The following GRM5 variants were observed in gnomAD, a reference collection of about 807,000 sequenced individuals.
GRM5 encodes the protein glutamate metabotropic receptor 5.
GRM5 carries 19 observed loss-of-function variants against 83.1 expected under a neutral mutation model. That is an observed-to-expected ratio of 0.23 (90% confidence interval 0.16 to 0.34). The LOEUF (loss-of-function observed/expected upper bound fraction) is 0.34. GRM5 is among the 10% of genes least tolerant of loss of function. The pLI is 1.00. For missense variants in GRM5, 1,160 were observed against 1,588.3 expected, an observed-to-expected ratio of 0.73 and a Z score of 4.58; for synonymous variants, 675 against 633.6, an observed-to-expected ratio of 1.07 and a Z score of -0.98.
chr11:88,875,351 G>A (rs1194807463), intron 2 of GRM5, among the ~76,000 whole-genome samples: 2 of 152,048 alleles, frequency 1.3e-5, no homozygotes, highest in East Asian at 1.9e-4. Flanking sequence ...CCATAAGATT[G>A]TATAAATTCA....
At chr11:88,910,847 T>C (rs896150197) in intron 2 of GRM5, among the ~76,000 whole-genome samples, 3 of 626 alleles carry the variant, frequency 4.8e-3, no homozygotes, top group Non-Finnish European at 0.023. Flanking sequence ...TAGAACGTAT[T>C]TTTTTTTTGT....
chr11:88,902,189 T>G (rs1945324538), intron 2 of GRM5, among the ~76,000 whole-genome samples: 1 of 151,992 alleles, frequency 6.6e-6, no homozygotes, highest in African/African-American at 2.4e-5. Context: ...TTTAATGAGT[T>G]TATCTTTTGA....
At chr11:88,679,904 C>T (rs1940433786) in intron 3 of GRM5, among the ~76,000 whole-genome samples, 1 of 148,688 alleles carries the variant, frequency 6.7e-6, no homozygotes, top group South Asian at 2.2e-4. Context: ...TCACCTTCCT[C>T]ATTCTTCATC....
At position 88,632,170 on chromosome 11, in the gene GRM5, C is replaced by A. The variant is rs144548641; in HGVS notation, c.1147+20998G>T. ...CTCCCCATTCCCATCCCCAGGCAACCACTGATTTGCTTTCTGTCACTCTAG... is the reference window on the plus strand; with the variant it reads ...CTCCCCATTCCCATCCCCAGGCAACAACTGATTTGCTTTCTGTCACTCTAG... On this transcript the variant is annotated intron_variant, in intron 4 of 9. Coordinates refer to ENST00000305447, the MANE Select transcript of GRM5 (RefSeq NM_001143831.3). Among the ~76,000 whole-genome samples the A allele has an allele frequency of 9.9e-5, 15 of 152,032 alleles. No individual in the cohort carries two copies. In the East Asian group the frequency reaches 2.5e-3, roughly 25 times the overall value.
chr11:88,929,020 T>G (rs1248264574), intron 2 of GRM5, among the ~76,000 whole-genome samples: 1 of 151,920 alleles, frequency 6.6e-6, no homozygotes, highest in Non-Finnish European at 1.5e-5. Context: ...GTTGATAACA[T>G]TGCTCTTTCT....
At chr11:88,991,114 C>T (rs1591027243) in intron 2 of GRM5, among the ~76,000 whole-genome samples, 1 of 152,088 alleles carries the variant, frequency 6.6e-6, no homozygotes, top group East Asian at 1.9e-4. Flanking sequence ...CTAGACAACC[C>T]CATTGTCTCA....
chr11:88,584,060 C>G (rs2135197832), intron 7 of GRM5, among the ~76,000 whole-genome samples: 1 of 152,022 alleles, frequency 6.6e-6, no homozygotes, highest in South Asian at 2.1e-4. Context: ...AAAATCTTAT[C>G]TTTTAGTGTT....
intron 3 of GRM5, among the ~76,000 whole-genome samples, chr11:88,748,318 G>A (rs10765738): frequency 0.06 from 9,138 of 152,152 alleles, 458 homozygotes; most frequent in Admixed American, 0.16. Flanking sequence ...ACCTAGGAAG[G>A]GAGCTTAATC....
intron 3 of GRM5, among the ~76,000 whole-genome samples, chr11:88,762,560 G>A (rs1243772351): frequency 6.6e-6 from 1 of 151,834 alleles, no homozygotes; most frequent in Non-Finnish European, 1.5e-5. Flanking sequence ...TAGAAAAGGG[G>A]AAACTTATAC....
intron 7 of GRM5, among the ~76,000 whole-genome samples, chr11:88,581,674 C>G (rs1248603809): frequency 6.6e-6 from 1 of 151,780 alleles, no homozygotes; most frequent in Non-Finnish European, 1.5e-5. Context: ...CCTGGGAATT[C>G]TATTGTTAAA....
intron 3 of GRM5, among the ~76,000 whole-genome samples, chr11:88,666,929 G>A (rs1194043874): frequency 3.9e-5 from 6 of 152,114 alleles, no homozygotes; most frequent in Non-Finnish European, 8.8e-5. Context: ...AGAATGAAAT[G>A]ATTGAAAACC....
intron 2 of GRM5, among the ~76,000 whole-genome samples, chr11:89,027,388 C>T (rs1941151887): frequency 6.6e-6 from 1 of 152,162 alleles, no homozygotes; most frequent in African/African-American, 2.4e-5. Context: ...GCCACTGCAC[C>T]TGGCCGGCAT....
At chr11:88,728,528 G>A (rs775019252) in intron 3 of GRM5, among the ~76,000 whole-genome samples, 1 of 152,088 alleles carries the variant, frequency 6.6e-6, no homozygotes, top group African/African-American at 2.4e-5. Flanking sequence ...ATTTTATGTG[G>A]CCAGCATCAT....
At chr11:88,866,274 A>G (rs1944663428) in intron 2 of GRM5, among the ~76,000 whole-genome samples, 1 of 152,064 alleles carries the variant, frequency 6.6e-6, no homozygotes, top group African/African-American at 2.4e-5. Context: ...GAAGCTGGAA[A>G]CCATCATTCT....
chr11:88,788,147 C>A (rs1195470973), intron 3 of GRM5, among the ~76,000 whole-genome samples: 1 of 152,138 alleles, frequency 6.6e-6, no homozygotes, highest in African/African-American at 2.4e-5. Context: ...TTCTTCTTTG[C>A]TCCTTAGATC....
chr11:88,633,237 ATT>A (rs1303518854), intron 4 of GRM5, among the ~76,000 whole-genome samples: 2 of 152,176 alleles, frequency 1.3e-5, no homozygotes, highest in African/African-American at 4.8e-5. Flanking sequence ...TAAAAACTGC[ATT>A]GTTATTATTT....
intron 3 of GRM5, among the ~76,000 whole-genome samples, chr11:88,781,685 TC>T (rs1942979569): frequency 6.6e-6 from 1 of 152,214 alleles, no homozygotes; most frequent in Non-Finnish European, 1.5e-5. Context: ...TTTGAAGAGT[TC>T]CTGCATTCCT....
At chr11:88,703,641 C>T (rs763719235) in intron 3 of GRM5, among the ~76,000 whole-genome samples, 7 of 152,030 alleles carry the variant, frequency 4.6e-5, no homozygotes, top group Non-Finnish European at 8.8e-5. Flanking sequence ...GGCGGTTACC[C>T]TCACGATATT....
chr11:88,737,644 T>C (rs1392260602), intron 3 of GRM5, among the ~76,000 whole-genome samples: 1 of 152,032 alleles, frequency 6.6e-6, no homozygotes, highest in Non-Finnish European at 1.5e-5. Context: ...CATGAGAGTC[T>C]TGTACAGAAC....
Sources: gnomAD v4.1 joint callset for allele counts (sites outside exome capture counted in the v4.1 genomes callset) on GRCh38, gnomAD v4.1.1 for gene constraint, MANE v1.5 for transcripts, NCBI Gene and HGNC (gene_info 2026-07-23, HGNC 2026-07-21) for gene names.